The following IQUB variants were observed in gnomAD, a reference collection of about 807,000 sequenced individuals.
IQUB encodes IQ motif and ubiquitin-like domain-containing protein.
Under a neutral mutation model 86.4 loss-of-function variants are expected in IQUB, and 86 were observed. That is an observed-to-expected ratio of 1.00 (90% CI 0.84 to 1.19). The LOEUF (loss-of-function observed/expected upper bound fraction) is 1.19. Ranked by LOEUF, IQUB falls within the 50% of genes most tolerant of loss-of-function variation. IQUB has a pLI of 0.00. For synonymous variants in IQUB, 289 were observed against 304.5 expected, an observed-to-expected ratio of 0.95 and a Z score of 0.53; for missense variants, 946 against 916.9, an observed-to-expected ratio of 1.03 and a Z score of -0.41.
intron 7 of IQUB, among the ~76,000 whole-genome samples, chr7:123,492,331 C>G (rs1184280278): frequency 6.6e-6 from 1 of 152,120 alleles, no homozygotes; most frequent in Non-Finnish European, 1.5e-5. Flanking sequence ...AAAGTTTAAA[C>G]ATTCATCTCA....
At chr7:123,502,534 A>G in intron 6 of IQUB, 63 bp downstream of exon 6, 1 of 1,423,430 alleles carries the variant, frequency 7.0e-7, no homozygotes, top group Non-Finnish European at 9.8e-7. Flanking sequence ...AAAGAGACAC[A>G]CTCGGAACAA....
intron 10 of IQUB, among the ~76,000 whole-genome samples, chr7:123,464,106 T>C (rs1794135623): frequency 6.6e-6 from 1 of 151,966 alleles, no homozygotes; most frequent in Non-Finnish European, 1.5e-5. Flanking sequence ...GCTTTTTAAG[T>C]AAATTTTAAC....
intron 7 of IQUB, among the ~76,000 whole-genome samples, chr7:123,493,725 G>GTA (rs1308666695): frequency 7.7e-6 from 1 of 130,608 alleles, no homozygotes; most frequent in African/African-American, 3.3e-5. Context: ...AGAGAAATGT[G>GTA]TGTGTATGTG....
chr7:123,517,551 A>G (rs1034909370), intron 1 of IQUB, among the ~76,000 whole-genome samples: 1 of 149,840 alleles, frequency 6.7e-6, no homozygotes, highest in African/African-American at 2.4e-5. Flanking sequence ...AAAAAAAAAA[A>G]AAAAAAGAAA....
At chr7:123,463,646 TACA>T (rs1389259733) in intron 10 of IQUB, among the ~76,000 whole-genome samples, 2 of 151,792 alleles carry the variant, frequency 1.3e-5, no homozygotes, top group African/African-American at 2.4e-5. Context: ...AAAAGCTGAC[TACA>T]AAGTGGCAGC....
At chr7:123,507,470 G>A (rs566577704) in intron 3 of IQUB, among the ~76,000 whole-genome samples, 1 of 152,292 alleles carries the variant, frequency 6.6e-6, no homozygotes, top group Admixed American at 6.5e-5. Flanking sequence ...CAGGTTTACT[G>A]GGACATAACC....
chr7:123,512,208 GCTCTTCAGTTTGATCTGA>G lies in IQUB; in HGVS notation c.115_132del (p.Ser39_Glu44del), dbSNP rs758341895. 122 of 1,613,830 alleles carry G rather than the reference GCTCTTCAGTTTGATCTGA, an allele frequency of 7.6e-5. No homozygotes were observed. Among genetic ancestry groups the G allele is most frequent in the Non-Finnish European group, 9.7e-5 (115 of 1,179,914 alleles). On this transcript the variant is annotated inframe_deletion, in exon 2 of 13. Transcript: ENST00000324698. The stretch of plus-strand genomic sequence containing the variant: ...CTGAATTGTTCTATTCCAGATTCAT[GCTCTTCAGTTTGATCTGA>G]CTCTTGAGGCTCTTCTGAGGGAACT...
intron 7 of IQUB, among the ~76,000 whole-genome samples, chr7:123,484,838 ATT>A (rs1795152122): frequency 6.6e-6 from 1 of 152,066 alleles, no homozygotes; most frequent in Non-Finnish European, 1.5e-5. Flanking sequence ...TTCCAGTAAA[ATT>A]CTCTATTAGA....
At chr7:123,489,183 C>T (rs1032133062) in intron 7 of IQUB, among the ~76,000 whole-genome samples, 1 of 152,120 alleles carries the variant, frequency 6.6e-6, no homozygotes, top group African/African-American at 2.4e-5. Context: ...ATATATCCTA[C>T]CTTTTAGTAA....
At chr7:123,521,651 A>AACACACACACACACACACACAAAC (rs1796909357) in intron 1 of IQUB, among the ~76,000 whole-genome samples, 1 of 144,312 alleles carries the variant, frequency 6.9e-6, no homozygotes, top group Non-Finnish European at 1.5e-5. Flanking sequence ...TGTCTAAATA[A>AACACACACACACACACACACAAAC]ACACACACAC....
chr7:123,489,725 T>C (rs1795376137), intron 7 of IQUB, among the ~76,000 whole-genome samples: 1 of 150,624 alleles, frequency 6.6e-6, no homozygotes, highest in South Asian at 2.1e-4. Context: ...AAAAAAAACA[T>C]AAGAGATAAA....
intron 1 of IQUB, among the ~76,000 whole-genome samples, chr7:123,517,169 C>T (rs1796672152): frequency 6.6e-6 from 1 of 152,110 alleles, no homozygotes; most frequent in African/African-American, 2.4e-5. Flanking sequence ...ATATGCCTAA[C>T]CTTTGCCTTG....
Position 123,479,863 on chromosome 7 carries a change from T to C in IQUB, c.1342A>G (p.Ile448Val), listed in dbSNP as rs779061744. 6.2e-7 allele frequency: 1 copy of C among 1,613,078 alleles called. No homozygotes were observed. ...TAAGCAATGTATCTATGTCTCCCAA[T>C]GGAAGCAATTATCTGAGTCTCTTTT... ...LEKETQIIASIGRHRYIAYMA... is the reference protein window; with the variant it reads ...LEKETQIIASVGRHRYIAYMA... The change falls in exon 8 of 13, where the codon ATT (isoleucine) becomes GTT (valine). Residue 448 changes from isoleucine to valine, a missense_variant. Transcript: ENST00000324698.
At chr7:123,460,703 C>T (rs942836308) in intron 11 of IQUB, among the ~76,000 whole-genome samples, 3 of 151,866 alleles carry the variant, frequency 2.0e-5, no homozygotes, top group East Asian at 3.9e-4. Context: ...TTTGTAGAGA[C>T]ACAGACTATC....
chr7:123,525,860 C>T lies in IQUB; in HGVS notation c.-5+8632G>A, dbSNP rs370066065. The stretch of plus-strand genomic sequence containing the variant: ...ATTTAGTGCTATAAATTTCCCTCTA[C>T]ACACTGCTTTGAATGCATCCCAGAG... On this transcript the variant is annotated intron_variant, in intron 1 of 12. Coordinates refer to ENST00000324698, the MANE Select transcript of IQUB (RefSeq NM_178827.5). Among the ~76,000 whole-genome samples, 589 of 149,572 alleles carry T rather than the reference C, an allele frequency of 3.9e-3. 11 individuals carry two copies. Among genetic ancestry groups the T allele is most frequent in the Admixed American group, 0.013 (187 of 14,876 alleles).
chr7:123,496,979 A>C, intron 6 of IQUB, 73 bp from the exon 7 acceptor site: 1 of 853,164 alleles, frequency 1.2e-6, no homozygotes, highest in East Asian at 2.7e-5. Flanking sequence ...GGCAATGATG[A>C]TTATTTCAAT....
At chr7:123,469,758 A>G (rs929046277) in intron 8 of IQUB, among the ~76,000 whole-genome samples, 4 of 152,162 alleles carry the variant, frequency 2.6e-5, no homozygotes, top group African/African-American at 7.2e-5. Context: ...TGCCTTGCCA[A>G]TTGAATATAA....
At chr7:123,497,020 G>T in intron 6 of IQUB, 114 bp from the exon 7 acceptor site, 1 of 636,522 alleles carries the variant, frequency 1.6e-6, no homozygotes, top group Non-Finnish European at 2.6e-6. Context: ...ACTGAGTCTA[G>T]TTTTAGCTCC....
chr7:123,495,210 G>A (rs1167591760), intron 7 of IQUB, among the ~76,000 whole-genome samples: 1 of 151,992 alleles, frequency 6.6e-6, no homozygotes, highest in Non-Finnish European at 1.5e-5. Context: ...CTAGGGAGCA[G>A]GCTTAACAGT....
Sources: allele counts gnomAD v4.1 joint callset (sites outside exome capture counted in the v4.1 genomes callset), GRCh38; gene constraint gnomAD v4.1.1; transcripts MANE v1.5; gene names NCBI Gene and HGNC (gene_info 2026-07-23, HGNC 2026-07-21).